The following PRICKLE2 variants were observed in gnomAD, a reference collection of about 807,000 sequenced individuals.
The protein encoded by PRICKLE2 is prickle-like protein 2.
In PRICKLE2, 21 loss-of-function variants were observed where a neutral mutation model predicts 81.4. The observed-to-expected ratio is 0.26, with a 90% CI of 0.18 to 0.37. PRICKLE2 has a LOEUF of 0.37. Among genes scored for constraint, PRICKLE2 ranks in the 10% least tolerant of loss-of-function variants. The pLI is 1.00. For synonymous variants in PRICKLE2, 456 were observed against 421.5 expected, an observed-to-expected ratio of 1.08 and a Z score of -1.00; for missense variants, 940 against 1,109.0, an observed-to-expected ratio of 0.85 and a Z score of 2.16.
chr3:64,134,874 C>A (rs1171512636), intron 7 of PRICKLE2, among the ~76,000 whole-genome samples: 1 of 152,228 alleles, frequency 6.6e-6, no homozygotes, highest in Non-Finnish European at 1.5e-5. Context: ...TGAGCTCAAT[C>A]TGTTTCCCAA....
intron 1 of PRICKLE2, among the ~76,000 whole-genome samples, chr3:64,205,430 T>G (rs1049061211): frequency 6.6e-6 from 1 of 152,152 alleles, no homozygotes; most frequent in Admixed American, 6.5e-5. Flanking sequence ...ATTTGGAAAA[T>G]GACTAACAAT....
Position 64,099,159 on chromosome 3 carries a change from C to T in PRICKLE2, c.2427G>A (p.Leu809=), listed in dbSNP as rs746130007. 1 of 1,614,254 alleles carries T rather than the reference C, an allele frequency of 6.2e-7. No individual in the cohort carries two copies. Among genetic ancestry groups the T allele is most frequent in the South Asian group, 1.1e-5 (1 of 91,092 alleles). The change falls in exon 8 of 8, where the codon CTG becomes CTA. Residue 809 remains leucine (L), a synonymous_variant. Coordinates refer to ENST00000638394, the MANE Select transcript of PRICKLE2 (RefSeq NM_198859.4). The surrounding 1 kb of genome is among the most constrained non-coding windows in gnomAD (Gnocchi z 4.3). The part of the protein sequence containing the change: ...ARLRYVTSDE[L]LHKYSSYGLP... ...GGCCGTAGGAGCTGTATTTGTGCAG[C>T]AGCTCATCGCTTGTGACGTATCGCA...
chr3:64,215,282 T>C (rs566166723), intron 1 of PRICKLE2, among the ~76,000 whole-genome samples: 1 of 152,164 alleles, frequency 6.6e-6, no homozygotes, highest in African/African-American at 2.4e-5. Flanking sequence ...GCCAAGGCTT[T>C]CCCTCTCTTA....
chr3:64,242,865 A>C (rs756123186), intron 2 of PRICKLE2, among the ~76,000 whole-genome samples: 9 of 152,276 alleles, frequency 5.9e-5, no homozygotes, highest in Admixed American at 1.3e-4. Flanking sequence ...TGAGATATTT[A>C]CAAAAGGAAA....
At chr3:64,186,011 T>C (rs1272578104) in intron 2 of PRICKLE2, among the ~76,000 whole-genome samples, 1 of 152,236 alleles carries the variant, frequency 6.6e-6, no homozygotes, top group Non-Finnish European at 1.5e-5. Flanking sequence ...TAGAGTTTTA[T>C]ATAAATGAAA....
intron 3 of PRICKLE2, 91 bp downstream of exon 3, chr3:64,162,925 C>T (rs536605269): frequency 4.1e-5 from 36 of 872,722 alleles, no homozygotes; most frequent in African/African-American, 1.6e-4. Flanking sequence ...AGTTCTTCTT[C>T]GGCTACCTCA....
chr3:64,258,015 G>T (rs1176948296), intron 2 of PRICKLE2, among the ~76,000 whole-genome samples: 1 of 152,090 alleles, frequency 6.6e-6, no homozygotes, highest in Non-Finnish European at 1.5e-5. Flanking sequence ...ATCAAACACC[G>T]AACCTGCAGG....
chr3:64,117,094 G>A (rs571768494), intron 7 of PRICKLE2, among the ~76,000 whole-genome samples: 19 of 152,210 alleles, frequency 1.2e-4, no homozygotes, highest in Middle Eastern at 3.4e-3. Flanking sequence ...AACTAAAGAC[G>A]AAAACCATAT....
chr3:64,265,495 A>G (rs1292290050), intron 2 of PRICKLE2, among the ~76,000 whole-genome samples: 1 of 152,212 alleles, frequency 6.6e-6, no homozygotes, highest in African/African-American at 2.4e-5. Flanking sequence ...TTTTCAGGAA[A>G]GATTAAGAAA....
At chr3:64,139,096 A>T (rs745427908) in intron 7 of PRICKLE2, among the ~76,000 whole-genome samples, 7 of 152,224 alleles carry the variant, frequency 4.6e-5, no homozygotes, top group Non-Finnish European at 8.8e-5. Flanking sequence ...GTTCTTTCCC[A>T]GTTTGTCAGC....
chr3:64,225,988 T>G (rs1575688864), upstream of PRICKLE2, among the ~76,000 whole-genome samples: 1 of 152,108 alleles, frequency 6.6e-6, no homozygotes, highest in Admixed American at 6.5e-5. Context: ...CACCTCGAAA[T>G]AAAGCACAAG....
At chr3:64,121,158 C>T (rs1200436589) in intron 7 of PRICKLE2, among the ~76,000 whole-genome samples, 1 of 152,122 alleles carries the variant, frequency 6.6e-6, no homozygotes, top group Non-Finnish European at 1.5e-5. Flanking sequence ...CCAGGGCCCT[C>T]AAATCTCTTT....
intron 2 of PRICKLE2, among the ~76,000 whole-genome samples, chr3:64,253,088 A>T (rs2079473566): frequency 6.6e-6 from 1 of 152,180 alleles, no homozygotes; most frequent in African/African-American, 2.4e-5. Flanking sequence ...TAAAGACTAG[A>T]AGCCCTAGGT....
At chr3:64,121,926 C>T (rs1575561706) in intron 7 of PRICKLE2, among the ~76,000 whole-genome samples, 1 of 152,328 alleles carries the variant, frequency 6.6e-6, no homozygotes, top group East Asian at 1.9e-4. Flanking sequence ...TGAACCTTGG[C>T]TTTCTTCTGA....
At chr3:64,168,125 C>T (rs893329654) in intron 2 of PRICKLE2, among the ~76,000 whole-genome samples, 4 of 152,164 alleles carry the variant, frequency 2.6e-5, no homozygotes, top group Non-Finnish European at 5.9e-5. Flanking sequence ...AACAAGAAAT[C>T]CTAAGGGCAA....
chr3:64,178,608 G>A (rs1218017018), intron 2 of PRICKLE2, among the ~76,000 whole-genome samples: 12 of 152,188 alleles, frequency 7.9e-5, no homozygotes, highest in Admixed American at 7.9e-4. Context: ...TGCCACAGCA[G>A]GGAAAGAAGA....
chr3:64,198,445 C>T (rs2078504409), intron 2 of PRICKLE2, among the ~76,000 whole-genome samples: 1 of 151,990 alleles, frequency 6.6e-6, no homozygotes, highest in Admixed American at 6.6e-5. Flanking sequence ...GCTTCTTAAA[C>T]AACATGGGGC....
intron 1 of PRICKLE2, among the ~76,000 whole-genome samples, chr3:64,202,528 T>A (rs1345272703): frequency 6.6e-6 from 1 of 152,182 alleles, no homozygotes; most frequent in Non-Finnish European, 1.5e-5. Flanking sequence ...AGAATTGTTC[T>A]CAATTTCACT....
intron 2 of PRICKLE2, among the ~76,000 whole-genome samples, chr3:64,169,994 T>C (rs1177164461): frequency 1.3e-5 from 2 of 152,128 alleles, no homozygotes; most frequent in Non-Finnish European, 1.5e-5. Flanking sequence ...TAAATAGGGA[T>C]GGGCTGCTCA....
Sources: allele counts gnomAD v4.1 joint callset (sites outside exome capture counted in the v4.1 genomes callset), GRCh38; gene constraint gnomAD v4.1.1; non-coding constraint Gnocchi (gnomAD v3.1); transcripts MANE v1.5; gene names NCBI Gene and HGNC (gene_info 2026-07-23, HGNC 2026-07-21).